Variants in GOLIM4 observed in about 807,000 individuals in gnomAD.
GOLIM4 encodes golgi integral membrane protein 4.
A neutral mutation model predicts 107.4 loss-of-function variants in GOLIM4; 71 were observed. The observed-to-expected ratio is 0.66, with a 90% CI of 0.55 to 0.81. The LOEUF (loss-of-function observed/expected upper bound fraction) is 0.81. Ranked by LOEUF, GOLIM4 falls within the 30% of genes least tolerant of loss-of-function variation. The pLI is 0.00. For synonymous variants in GOLIM4, 327 were observed against 294.8 expected, an observed-to-expected ratio of 1.11 and a Z score of -1.12; for missense variants, 830 against 826.1, an observed-to-expected ratio of 1.00 and a Z score of -0.06.
chr3:168,042,179 T>C (rs1471337820), intron 5 of GOLIM4, among the ~76,000 whole-genome samples: 3 of 152,148 alleles, frequency 2.0e-5, no homozygotes, highest in African/African-American at 7.2e-5. Flanking sequence ...TTGACCACTG[T>C]TTTTGCATGC....
intron 1 of GOLIM4, among the ~76,000 whole-genome samples, chr3:168,081,313 T>C (rs1384132967): frequency 1.3e-5 from 2 of 152,122 alleles, no homozygotes; most frequent in Admixed American, 6.5e-5. Flanking sequence ...CTCCAGCACA[T>C]GTGAGACTGA....
intron 1 of GOLIM4, among the ~76,000 whole-genome samples, chr3:168,067,259 C>T (rs187662711): frequency 3.3e-5 from 5 of 152,120 alleles, no homozygotes; most frequent in Admixed American, 1.3e-4. Context: ...TACAACTAGT[C>T]CATCTCTTCC....
rs748134659 is a variant in GOLIM4 at position 168,040,859 on chromosome 3, T to C, written c.611A>G (p.Lys204Arg). 13 of 1,609,636 alleles carry C rather than the reference T, an allele frequency of 8.1e-6. No individual in the cohort carries two copies. The highest frequency in any genetic ancestry group is 7.7e-5 in the South Asian group (7 of 90,938). The change falls in exon 7 of 16, where the codon AAG (lysine) becomes AGG (arginine). Residue 204 changes from lysine (K) to arginine (R), a missense_variant. Transcript: ENST00000470487. ...TTGTTCATGCTCGGAGAGTAAATTC[T>C]TATGCTGTTGCTACACAAAAAAGAA... ...TQLQDVKQQH[K>R]NLLSEHEQLV...
At position 168,009,430 on chromosome 3, in the gene GOLIM4, C is replaced by CAAAAAAAAAAACAA. The variant is rs1716862636; in HGVS notation, c.*838_*839insTTGTTTTTTTTTTT. The CAAAAAAAAAAACAA allele has an allele frequency of 1.3e-5, 1 of 77,496 alleles. No individual in the cohort carries two copies. Among genetic ancestry groups the CAAAAAAAAAAACAA allele is most frequent in the African/African-American group, 3.4e-5 (1 of 29,284 alleles). 4.8% of individuals were successfully genotyped at this position (77,496 alleles called of 1,614,324 possible). A position where few individuals can be genotyped will look rare whatever the true frequency, so the allele number is the denominator to read the frequency against. ...AAGAATATCAATCAATGGCTTCAAA[C>CAAAAAAAAAAACAA]AAAAAAAAAAAAAAAAAATTGAGAA... On this transcript the variant is annotated 3_prime_UTR_variant, in exon 16 of 16. Transcript: ENST00000470487.
intron 1 of GOLIM4, among the ~76,000 whole-genome samples, chr3:168,073,624 A>C (rs1720938452): frequency 6.6e-6 from 1 of 152,232 alleles, no homozygotes; most frequent in Non-Finnish European, 1.5e-5. Context: ...AGGAAATACA[A>C]AATGAGATTT....
At chr3:168,053,087 C>T (rs1000156834) in intron 1 of GOLIM4, among the ~76,000 whole-genome samples, 4 of 152,148 alleles carry the variant, frequency 2.6e-5, no homozygotes, top group African/African-American at 9.7e-5. Flanking sequence ...GTTCTATTCC[C>T]CCCAAAAGCA....
chr3:168,095,330 C>A lies in GOLIM4; in HGVS notation c.-45G>T, dbSNP rs1176727393. 1.3e-6 allele frequency: 2 copies of A among 1,561,560 alleles called. No homozygotes were observed. Among genetic ancestry groups the A allele is most frequent in the Admixed American group, 1.8e-5 (1 of 57,062 alleles). ...GCCGCGGCCGCCCCCGCCGTCTCCTCCCCTTGGTCCGAGCGAGCGTCTCAG... is the reference window on the plus strand; with the variant it reads ...GCCGCGGCCGCCCCCGCCGTCTCCTACCCTTGGTCCGAGCGAGCGTCTCAG... On this transcript the variant is annotated 5_prime_UTR_variant, in exon 1 of 16. Coordinates refer to ENST00000470487, the MANE Select transcript of GOLIM4 (RefSeq NM_014498.5).
At chr3:168,024,441 C>T in intron 14 of GOLIM4, 85 bp downstream of exon 14, 1 of 1,022,162 alleles carries the variant, frequency 9.8e-7, no homozygotes, top group Admixed American at 1.7e-5. Flanking sequence ...GAAGGCATGT[C>T]AAAGTCAATA....
chr3:168,029,138 A>G lies in GOLIM4; in HGVS notation c.1513+85T>C. The G allele has an allele frequency of 5.8e-6, 5 of 862,136 alleles. No individual in the cohort carries two copies. In the Admixed American group the frequency reaches 9.2e-5, roughly 16 times the overall value. The allele number at this position is 862,136 out of a possible 1,614,324, so 53.4% of individuals were successfully genotyped here. On this transcript the variant is annotated intron_variant, in intron 11 of 15. Coordinates refer to ENST00000470487, the MANE Select transcript of GOLIM4 (RefSeq NM_014498.5). ...ACTTAGGTATGCATACAGCTCATTG[A>G]TGTTATATAATATTGGCTCACTGAT...
chr3:168,069,980 T>C (rs1720753816), intron 1 of GOLIM4, among the ~76,000 whole-genome samples: 1 of 152,054 alleles, frequency 6.6e-6, no homozygotes, highest in Non-Finnish European at 1.5e-5. Flanking sequence ...CTAACTTGTT[T>C]TCCTAGAAGT....
At chr3:168,029,671 A>T in intron 10 of GOLIM4, 109 bp downstream of exon 10, 1 of 1,252,436 alleles carries the variant, frequency 8.0e-7, no homozygotes, top group Non-Finnish European at 1.1e-6. Context: ...TATTTGAGCA[A>T]TATGAGCCCC....
chr3:168,014,206 A>T (rs1367614508), intron 14 of GOLIM4, among the ~76,000 whole-genome samples: 1 of 151,278 alleles, frequency 6.6e-6, no homozygotes, highest in South Asian at 2.1e-4. Flanking sequence ...GATAAAGGGG[A>T]TATCACCACC....
chr3:168,091,444 T>C (rs964730158), intron 1 of GOLIM4, among the ~76,000 whole-genome samples: 3 of 152,230 alleles, frequency 2.0e-5, no homozygotes, highest in African/African-American at 7.2e-5. Flanking sequence ...AGAACAGAGT[T>C]AATCAGTAAC....
At chr3:168,066,422 T>C (rs1188093955) in intron 1 of GOLIM4, among the ~76,000 whole-genome samples, 1 of 152,150 alleles carries the variant, frequency 6.6e-6, no homozygotes, top group African/African-American at 2.4e-5. Flanking sequence ...TAAGACCCAT[T>C]AGAATAGTAG....
At chr3:168,071,764 A>T (rs1029153340) in intron 1 of GOLIM4, among the ~76,000 whole-genome samples, 9 of 152,110 alleles carry the variant, frequency 5.9e-5, no homozygotes, top group African/African-American at 2.2e-4. Context: ...AATGTAGGTA[A>T]TTCATGGATG....
intron 7 of GOLIM4, 141 bp from the exon 8 acceptor site, chr3:168,037,135 C>A (rs1045382492): frequency 9.2e-6 from 5 of 542,592 alleles, no homozygotes; most frequent in Non-Finnish European, 1.6e-5. Flanking sequence ...TCCATGCATT[C>A]ACTATTCTTA....
intron 13 of GOLIM4, 125 bp downstream of exon 13, chr3:168,024,803 T>A: frequency 1.1e-6 from 1 of 946,122 alleles, no homozygotes; most frequent in Non-Finnish European, 1.7e-6. Flanking sequence ...TGTCATAAAG[T>A]GGCCTAAAAA....
At chr3:168,022,874 C>G (rs916981440) in intron 14 of GOLIM4, among the ~76,000 whole-genome samples, 3 of 152,122 alleles carry the variant, frequency 2.0e-5, no homozygotes, top group Non-Finnish European at 4.4e-5. Flanking sequence ...AGGAAGAGTC[C>G]TGTCAGTCCA....
At chr3:168,089,100 G>A (rs1378305508) in intron 1 of GOLIM4, among the ~76,000 whole-genome samples, 1 of 152,214 alleles carries the variant, frequency 6.6e-6, no homozygotes, top group East Asian at 1.9e-4. Flanking sequence ...CACTGAATTA[G>A]AGCTTCAAAA....
Sources: gnomAD v4.1 joint callset for allele counts (sites outside exome capture counted in the v4.1 genomes callset) on GRCh38, gnomAD v4.1.1 for gene constraint, MANE v1.5 for transcripts, NCBI Gene and HGNC (gene_info 2026-07-23, HGNC 2026-07-21) for gene names.